The following MEGF9 variants were observed in gnomAD, a reference collection of about 807,000 sequenced individuals.
MEGF9 encodes multiple epidermal growth factor-like domains protein 9.
A neutral mutation model predicts 46.8 loss-of-function variants in MEGF9; 6 were observed. The ratio of observed to expected loss-of-function variants is 0.13; its 90% CI spans 0.07 to 0.25. The LOEUF (loss-of-function observed/expected upper bound fraction) is 0.25. Among genes scored for constraint, MEGF9 ranks in the 10% least tolerant of loss-of-function variants. The pLI is 1.00. For missense variants in MEGF9, 683 were observed against 792.4 expected, an observed-to-expected ratio of 0.86 and a Z score of 1.66; for synonymous variants, 302 against 330.7, an observed-to-expected ratio of 0.91 and a Z score of 0.94.
chr9:120,697,756 G>C (rs749932159), intron 1 of MEGF9, among the ~76,000 whole-genome samples: 1 of 152,016 alleles, frequency 6.6e-6, no homozygotes, highest in Non-Finnish European at 1.5e-5. Flanking sequence ...AACACTCTTT[G>C]ATCTAATTTT....
intron 2 of MEGF9, among the ~76,000 whole-genome samples, chr9:120,656,183 C>T (rs1160910456): frequency 2.6e-5 from 4 of 152,022 alleles, no homozygotes; most frequent in African/African-American, 9.7e-5. Flanking sequence ...TTAACTATAC[C>T]CTTTAAACAT....
intron 3 of MEGF9, among the ~76,000 whole-genome samples, chr9:120,617,217 C>T (rs1239148143): frequency 6.6e-6 from 1 of 152,058 alleles, no homozygotes; most frequent in Non-Finnish European, 1.5e-5. Context: ...TAGAGATAAC[C>T]AAGAAAATAA....
chr9:120,638,084 C>T (rs2043586635), intron 2 of MEGF9, among the ~76,000 whole-genome samples: 2 of 152,150 alleles, frequency 1.3e-5, no homozygotes, highest in South Asian at 2.1e-4. Context: ...CCTTGACCTA[C>T]TGAGCTCAAA....
intron 2 of MEGF9, among the ~76,000 whole-genome samples, chr9:120,632,882 T>C (rs910753574): frequency 6.6e-6 from 1 of 152,254 alleles, no homozygotes; most frequent in Non-Finnish European, 1.5e-5. Flanking sequence ...TGTTGATTGA[T>C]GTATCACGTT....
intron 3 of MEGF9, among the ~76,000 whole-genome samples, chr9:120,613,438 T>G (rs2043457900): frequency 6.6e-6 from 1 of 151,972 alleles, no homozygotes; most frequent in Non-Finnish European, 1.5e-5. Context: ...ACTATATACA[T>G]ATATATATAA....
At chr9:120,693,604 T>C (rs1313765576) in intron 1 of MEGF9, among the ~76,000 whole-genome samples, 1 of 152,252 alleles carries the variant, frequency 6.6e-6, no homozygotes, top group Non-Finnish European at 1.5e-5. Context: ...GTAAACATTT[T>C]TGTTGGCAAT....
At position 120,606,187 on chromosome 9, in the gene MEGF9, A is replaced by C. The variant is rs867538442; in HGVS notation, c.1358-546T>G. Among the ~76,000 whole-genome samples, 539 of 152,132 alleles carry C rather than the reference A, an allele frequency of 3.5e-3. 6 individuals are homozygous for C. Among genetic ancestry groups the C allele is most frequent in the African/African-American group, 0.012 (507 of 41,474 alleles). ...CTCTGTCTCAAAAAAAAAAAAAAAA[A>C]AAATCTTTGGGAAAATACCAGTGTT... On this transcript the variant is annotated intron_variant, in intron 5 of 5. Coordinates refer to ENST00000373930, the MANE Select transcript of MEGF9 (RefSeq NM_001080497.3).
intron 2 of MEGF9, among the ~76,000 whole-genome samples, chr9:120,638,071 C>T (rs1318735801): frequency 1.3e-5 from 2 of 152,064 alleles, no homozygotes; most frequent in Non-Finnish European, 2.9e-5. Context: ...CAGCTCACTG[C>T]AGCCTTGACC....
At chr9:120,682,658 G>A (rs1412353723) in intron 1 of MEGF9, among the ~76,000 whole-genome samples, 1 of 152,092 alleles carries the variant, frequency 6.6e-6, no homozygotes, top group Non-Finnish European at 1.5e-5. Flanking sequence ...CATGATTATG[G>A]TCCACTGTAG....
At chr9:120,613,632 G>A (rs1025395855) in intron 3 of MEGF9, among the ~76,000 whole-genome samples, 3 of 151,906 alleles carry the variant, frequency 2.0e-5, no homozygotes, top group South Asian at 2.1e-4. Context: ...ATACTCCCTT[G>A]GCACTCTATT....
At chr9:120,679,457 C>T (rs2043788422) in intron 1 of MEGF9, among the ~76,000 whole-genome samples, 1 of 139,044 alleles carries the variant, frequency 7.2e-6, no homozygotes, top group Non-Finnish European at 1.5e-5. Flanking sequence ...GGGAACATCA[C>T]ACACCGGGGC....
At chr9:120,676,986 G>A (rs189796830) in intron 1 of MEGF9, among the ~76,000 whole-genome samples, 100 of 152,276 alleles carry the variant, frequency 6.6e-4, no homozygotes, top group Non-Finnish European at 9.3e-4. Flanking sequence ...TTTATCTTAC[G>A]TCAATACCCT....
chr9:120,621,083 G>A (rs2043497561), intron 3 of MEGF9, among the ~76,000 whole-genome samples: 1 of 152,126 alleles, frequency 6.6e-6, no homozygotes, highest in Non-Finnish European at 1.5e-5. Flanking sequence ...TTACATTTAG[G>A]AAAACTAAGA....
intron 2 of MEGF9, among the ~76,000 whole-genome samples, chr9:120,642,720 T>C (rs1175889290): frequency 6.6e-6 from 1 of 152,218 alleles, no homozygotes; most frequent in Non-Finnish European, 1.5e-5. Context: ...CAGAACCCTT[T>C]GAAAATCAAT....
intron 2 of MEGF9, among the ~76,000 whole-genome samples, chr9:120,658,717 A>C (rs1002568478): frequency 6.6e-6 from 1 of 152,208 alleles, no homozygotes; most frequent in Non-Finnish European, 1.5e-5. Context: ...CAAGTGCCTC[A>C]CATAAGGTCA....
At position 120,652,037 on chromosome 9, in the gene MEGF9, C is replaced by CA. The variant is rs1564420723; in HGVS notation, c.803+7336dup. Reference sequence around the variant, plus strand: ...AACAACTTCTTCCCTAGCATACCAACAAAAAACAAATACCCCAAAATCTAC... The same window carrying CA: ...AACAACTTCTTCCCTAGCATACCAACAAAAAAACAAATACCCCAAAATCTAC... On this transcript the variant is annotated intron_variant, in intron 2 of 5. Transcript: ENST00000373930. Among the ~76,000 whole-genome samples the CA allele has an allele frequency of 2.0e-5, 3 of 150,856 alleles. No homozygotes were observed. The South Asian group carries it at 6.3e-4, about 32-fold the overall frequency.
At chr9:120,612,052 G>A (rs529675860) in intron 4 of MEGF9, among the ~76,000 whole-genome samples, 1 of 152,150 alleles carries the variant, frequency 6.6e-6, no homozygotes, top group East Asian at 1.9e-4. Context: ...TATATATCAG[G>A]ATTAAATGAG....
Position 120,621,140 on chromosome 9 carries a change from C to T in MEGF9, c.943+1476G>A. ...TTTTTAATGGTTTGACTAAGTTTGCCTAAATGTGGTTTTCTTTGTTTTATA... is the reference window on the plus strand; with the variant it reads ...TTTTTAATGGTTTGACTAAGTTTGCTTAAATGTGGTTTTCTTTGTTTTATA... On this transcript the variant is annotated intron_variant, in intron 3 of 5. Coordinates refer to ENST00000373930, the MANE Select transcript of MEGF9 (RefSeq NM_001080497.3). Among the ~76,000 whole-genome samples, 2 of 152,128 alleles carry T rather than the reference C, an allele frequency of 1.3e-5. 1 individual carries two copies. The highest frequency in any genetic ancestry group is 1.3e-4 in the Admixed American group (2 of 15,264).
rs1385126558 is a variant in MEGF9, at chr9:120,604,554, G to T, written c.*636C>A. The T allele has an allele frequency of 2.0e-4, 31 of 153,026 alleles. No homozygotes were observed. The highest frequency in any genetic ancestry group is 5.8e-5 in the Non-Finnish European group (4 of 68,424). 9.5% of individuals were successfully genotyped at this position (153,026 alleles called of 1,614,324 possible). A position where few individuals can be genotyped will look rare whatever the true frequency, so the allele number is the denominator to read the frequency against. ...CCCTGAGGAGGACCATCAGCCTCCT[G>T]CTCCCCAATGCTGCCTTCCTCCCTT... On this transcript the variant is annotated 3_prime_UTR_variant, in exon 6 of 6. Coordinates refer to ENST00000373930, the MANE Select transcript of MEGF9 (RefSeq NM_001080497.3).
Sources: gnomAD v4.1 joint callset for allele counts (sites outside exome capture counted in the v4.1 genomes callset) on GRCh38, gnomAD v4.1.1 for gene constraint, MANE v1.5 for transcripts, NCBI Gene and HGNC (gene_info 2026-07-23, HGNC 2026-07-21) for gene names.